The following NKAIN2 variants were observed in gnomAD, a reference collection of about 807,000 sequenced individuals.
The protein encoded by NKAIN2 is sodium/potassium-transporting ATPase subunit beta-1-interacting protein 2.
NKAIN2 carries 14 observed loss-of-function variants against 32.6 expected under a neutral mutation model. That is an observed-to-expected ratio of 0.43 (90% CI 0.28 to 0.67). The LOEUF (loss-of-function observed/expected upper bound fraction) is 0.67, where lower values mean the gene tolerates loss of function less well. Among genes scored for constraint, NKAIN2 ranks in the 30% least tolerant of loss-of-function variants. The pLI, the probability that NKAIN2 is intolerant of heterozygous loss-of-function variation, is 0.17. For missense variants in NKAIN2, 198 were observed against 258.3 expected (o/e 0.77, Z 1.60); for synonymous variants, 80 against 87.2 (o/e 0.92, Z 0.46).
chr6:123,852,765 A>G (rs1423000691), intron 1 of NKAIN2, among the ~76,000 whole-genome samples: 2 of 152,208 alleles, frequency 1.3e-5, no homozygotes, highest in African/African-American at 2.4e-5. Context: ...CAGATACTAT[A>G]TAATCTCACT....
At chr6:124,633,573 C>T (rs1286695636) in intron 3 of NKAIN2, among the ~76,000 whole-genome samples, 1 of 152,134 alleles carries the variant, frequency 6.6e-6, no homozygotes, top group African/African-American at 2.4e-5. Flanking sequence ...ATCTTGTGGT[C>T]ATGTTTCCAT....
At chr6:124,436,746 G>C (rs920748139) in intron 3 of NKAIN2, among the ~76,000 whole-genome samples, 2 of 152,084 alleles carry the variant, frequency 1.3e-5, no homozygotes, top group Non-Finnish European at 2.9e-5. Context: ...CCTCTCACTG[G>C]TTCCCAGCTT....
intron 1 of NKAIN2, among the ~76,000 whole-genome samples, chr6:123,895,958 C>T (rs2114393621): frequency 6.6e-6 from 1 of 152,312 alleles, no homozygotes; most frequent in South Asian, 2.1e-4. Context: ...CAAGCTGCTG[C>T]AGATTCAGTA....
intron 1 of NKAIN2, among the ~76,000 whole-genome samples, chr6:123,869,051 G>A (rs1772732377): frequency 6.6e-6 from 1 of 152,110 alleles, no homozygotes; most frequent in South Asian, 2.1e-4. Context: ...CCGAAGAACT[G>A]GAAGATCCTG....
At chr6:124,208,039 G>A (rs926053000) in intron 1 of NKAIN2, among the ~76,000 whole-genome samples, 2 of 151,836 alleles carry the variant, frequency 1.3e-5, no homozygotes, top group East Asian at 3.9e-4. Flanking sequence ...ACTAGAAAAA[G>A]CATTTTAAGG....
chr6:124,245,418 C>G (rs951586756), intron 1 of NKAIN2, among the ~76,000 whole-genome samples: 1 of 152,002 alleles, frequency 6.6e-6, no homozygotes, highest in Non-Finnish European at 1.5e-5. Flanking sequence ...AATTTGGAAT[C>G]CACAGGAGTG....
chr6:124,585,504 T>G (rs1225402170), intron 3 of NKAIN2, among the ~76,000 whole-genome samples: 1 of 152,242 alleles, frequency 6.6e-6, no homozygotes, highest in East Asian at 1.9e-4. Flanking sequence ...TTTACTCTGA[T>G]GTGATTATTA....
At chr6:124,642,674 A>C (rs1277001947) in intron 3 of NKAIN2, among the ~76,000 whole-genome samples, 1 of 152,204 alleles carries the variant, frequency 6.6e-6, no homozygotes, top group Admixed American at 6.5e-5. Flanking sequence ...TGCTAATTAC[A>C]GGATGTTATT....
intron 3 of NKAIN2, among the ~76,000 whole-genome samples, chr6:124,624,633 T>C (rs887225063): frequency 6.6e-6 from 1 of 152,188 alleles, no homozygotes; most frequent in African/African-American, 2.4e-5. Flanking sequence ...AGAATATGAT[T>C]TATTTTCTGC....
chr6:124,612,056 T>A (rs1213014899), intron 3 of NKAIN2, among the ~76,000 whole-genome samples: 1 of 152,166 alleles, frequency 6.6e-6, no homozygotes, highest in Admixed American at 6.5e-5. Context: ...CTCATTCTCA[T>A]ATACTAAGAT....
chr6:124,108,092 C>T (rs1314573207), intron 1 of NKAIN2, among the ~76,000 whole-genome samples: 1 of 151,972 alleles, frequency 6.6e-6, no homozygotes, highest in Non-Finnish European at 1.5e-5. Flanking sequence ...TCAAGGAACC[C>T]CCACACTGTT....
intron 5 of NKAIN2, among the ~76,000 whole-genome samples, chr6:124,800,593 C>T (rs1030602684): frequency 6.6e-6 from 1 of 152,110 alleles, no homozygotes; most frequent in African/African-American, 2.4e-5. Context: ...TTTATAATTA[C>T]GATTAATTTA....
At chr6:123,871,103 C>T (rs1772847302) in intron 1 of NKAIN2, among the ~76,000 whole-genome samples, 1 of 152,080 alleles carries the variant, frequency 6.6e-6, no homozygotes, top group Non-Finnish European at 1.5e-5. Flanking sequence ...TTCTTTCTGC[C>T]ATCATATATG....
intron 1 of NKAIN2, among the ~76,000 whole-genome samples, chr6:124,218,056 G>A (rs759409970): frequency 1.3e-4 from 20 of 151,044 alleles, no homozygotes; most frequent in African/African-American, 4.1e-4. Context: ...AGAGGAATTC[G>A]TCTAGTAAAA....
chr6:124,545,387 A>G (rs893176141), intron 3 of NKAIN2, among the ~76,000 whole-genome samples: 1 of 152,180 alleles, frequency 6.6e-6, no homozygotes, highest in African/African-American at 2.4e-5. Flanking sequence ...GACAAGCCAT[A>G]GATCAAATCC....
At chr6:124,165,713 G>A (rs1355367694) in intron 1 of NKAIN2, among the ~76,000 whole-genome samples, 1 of 144,130 alleles carries the variant, frequency 6.9e-6, no homozygotes, top group African/African-American at 2.6e-5. Flanking sequence ...TCCCCTCCCT[G>A]TGTCCATGTG....
intron 1 of NKAIN2, among the ~76,000 whole-genome samples, chr6:124,118,839 C>T (rs1785742812): frequency 6.6e-6 from 1 of 152,070 alleles, no homozygotes; most frequent in East Asian, 1.9e-4. Flanking sequence ...ATATGTTCTC[C>T]ATCTCTACCT....
At chr6:124,214,365 A>G (rs936291351) in intron 1 of NKAIN2, among the ~76,000 whole-genome samples, 2 of 152,180 alleles carry the variant, frequency 1.3e-5, no homozygotes, top group Non-Finnish European at 2.9e-5. Context: ...CATTTTAATA[A>G]AATTTATTTG....
chr6:123,928,428 G>T (rs911503089), intron 1 of NKAIN2, among the ~76,000 whole-genome samples: 1 of 152,098 alleles, frequency 6.6e-6, no homozygotes, highest in Non-Finnish European at 1.5e-5. Context: ...TTTAAAAAAT[G>T]AAATAAAGTG....
Sources: allele counts gnomAD v4.1 joint callset (sites outside exome capture counted in the v4.1 genomes callset), GRCh38; gene constraint gnomAD v4.1.1; transcripts MANE v1.5; gene names NCBI Gene and HGNC (gene_info 2026-07-23, HGNC 2026-07-21).